The following CHRDL1 variants were observed in gnomAD, a reference collection of about 807,000 sequenced individuals.
CHRDL1 encodes the protein chordin like 1, also known as chordin-like protein 1.
CHRDL1 carries 19 observed loss-of-function variants against 40.9 expected under a neutral mutation model. The ratio of observed to expected loss-of-function variants is 0.46; its 90% CI spans 0.32 to 0.68. The LOEUF is 0.68. Ranked by LOEUF, CHRDL1 falls within the 30% of genes least tolerant of loss-of-function variation. The pLI is 0.03. For missense variants in CHRDL1, 329 were observed against 352.1 expected (o/e 0.93, Z 0.53); for synonymous variants, 136 against 123.4 (o/e 1.10, Z -0.68).
At chrX:110,712,544 T>C (rs1455411357) in intron 6 of CHRDL1, among the ~76,000 whole-genome samples, 1 of 110,720 alleles carries the variant, frequency 9.0e-6, no homozygotes, top group Admixed American at 9.6e-5. Context: ...TTGGATAATA[T>C]GGTAAGAAAT....
In CHRDL1 at chrX:110,767,598, CAATAAAATAAAATAAAATAAAATAA is replaced by C. The variant is rs66986770; in HGVS notation, c.95-4816_95-4792del. Reference sequence around the variant, plus strand: ...AACTCAACCCCTTTTACAAAGGATGCAATAAAATAAAATAAAATAAAATAAAATAAAATAAAATAAAATAAAATAA... The same window carrying C: ...AACTCAACCCCTTTTACAAAGGATGCAATAAAATAAAATAAAATAAAATAA... On this transcript the variant is annotated intron_variant, in intron 2 of 11. Transcript: ENST00000372042. Among the ~76,000 whole-genome samples, 62 of 83,081 alleles carry C rather than the reference CAATAAAATAAAATAAAATAAAATAA, an allele frequency of 7.5e-4. 2 individuals are homozygous for C. Among genetic ancestry groups the C allele is most frequent in the Non-Finnish European group, 2.8e-4 (12 of 42,789 alleles). 72.1% of individuals were successfully genotyped at this position (83,081 alleles called of 115,157 possible).
At chrX:110,696,664 C>G (rs750315730) in intron 7 of CHRDL1, among the ~76,000 whole-genome samples, 1 of 111,495 alleles carries the variant, frequency 9.0e-6, no homozygotes, top group Non-Finnish European at 1.9e-5. Flanking sequence ...TGTTCACAAC[C>G]ACATATACCA....
At chrX:110,779,531 GCTCT>G (rs772634922) in intron 2 of CHRDL1, among the ~76,000 whole-genome samples, 125 of 111,469 alleles carry the variant, frequency 1.1e-3, no homozygotes, top group African/African-American at 3.9e-3. Context: ...CTATTTCTGG[GCTCT>G]CTATTACATT....
intron 11 of CHRDL1, 28 bp from the exon 12 acceptor site, chrX:110,676,389 C>T (rs756130257): frequency 2.2e-5 from 26 of 1,202,564 alleles, no homozygotes; most frequent in Middle Eastern, 4.6e-4. Context: ...GCAAAGTGGC[C>T]GGGAGTGTGT....
chrX:110,753,754 C>A (rs2089402012), intron 4 of CHRDL1, among the ~76,000 whole-genome samples: 1 of 110,861 alleles, frequency 9.0e-6, no homozygotes, highest in Non-Finnish European at 1.9e-5. Context: ...AAGGGGAACA[C>A]AAGGGCAGAT....
At chrX:110,720,611 A>G (rs1211131602) in intron 5 of CHRDL1, among the ~76,000 whole-genome samples, 1 of 111,147 alleles carries the variant, frequency 9.0e-6, no homozygotes, top group Admixed American at 9.5e-5. Context: ...AAATTCTCCT[A>G]AACTACTGAG....
rs754679700 is a variant in CHRDL1 at position 110,689,707 on chromosome X, C to A, written c.779-904G>T. On this transcript the variant is annotated intron_variant, in intron 8 of 11. Transcript: ENST00000372042. ...TCTATATATCTATATATCTATATAT[C>A]TATATATATATCTATATATATCTAT... 1.7e-3 allele frequency among the ~76,000 whole-genome samples: 31 copies of A among 17,933 alleles called. No individual in the cohort carries two copies. In the South Asian group the frequency reaches 0.027, roughly 16 times the overall value. The allele number at this position is 17,933 out of a possible 115,157, so 15.6% of individuals were successfully genotyped here.
At chrX:110,689,804 T>C (rs1442815390) in intron 8 of CHRDL1, among the ~76,000 whole-genome samples, 3 of 83,983 alleles carry the variant, frequency 3.6e-5, no homozygotes, top group African/African-American at 1.0e-4. Context: ...TACATCTATA[T>C]ATCTATATAT....
chrX:110,689,072 G>GTA (rs758293619), intron 8 of CHRDL1, among the ~76,000 whole-genome samples: 1,302 of 30,871 alleles, frequency 0.042, 21 homozygotes, highest in Non-Finnish European at 0.046. Flanking sequence ...ATATATATAT[G>GTA]TATATATATA....
At chrX:110,758,717 C>T (rs1311120768) in intron 4 of CHRDL1, among the ~76,000 whole-genome samples, 1 of 111,730 alleles carries the variant, frequency 9.0e-6, no homozygotes, top group African/African-American at 3.3e-5. Flanking sequence ...TTCCTGTACA[C>T]CCCTTTGGGA....
intron 4 of CHRDL1, among the ~76,000 whole-genome samples, chrX:110,754,676 T>C (rs2089421424): frequency 8.9e-6 from 1 of 111,740 alleles, no homozygotes; most frequent in South Asian, 3.7e-4. Context: ...AAACCATTCA[T>C]AGTGCCAAAC....
intron 4 of CHRDL1, among the ~76,000 whole-genome samples, chrX:110,742,165 T>C (rs186855729): frequency 5.3e-5 from 6 of 112,401 alleles, no homozygotes; most frequent in African/African-American, 1.6e-4. Flanking sequence ...GATATGGCCC[T>C]AGACTCCTCC....
chrX:110,794,090 C>T (rs1235494534), intron 1 of CHRDL1, among the ~76,000 whole-genome samples: 1 of 111,543 alleles, frequency 9.0e-6, no homozygotes, highest in Admixed American at 9.5e-5. Context: ...AAATATGAAC[C>T]AAGAAGAGTT....
intron 4 of CHRDL1, among the ~76,000 whole-genome samples, chrX:110,737,436 G>A (rs1488400305): frequency 8.9e-6 from 1 of 111,777 alleles, no homozygotes; most frequent in African/African-American, 3.3e-5. Flanking sequence ...TCAAAGTGTG[G>A]TATGGGAACC....
chrX:110,764,704 T>C (rs1394284147), intron 2 of CHRDL1, among the ~76,000 whole-genome samples: 1 of 111,798 alleles, frequency 8.9e-6, no homozygotes, highest in African/African-American at 3.3e-5. Context: ...GCAGAGAGCC[T>C]ATAAATGGAC....
chrX:110,721,603 G>A, intron 4 of CHRDL1, 73 bp from the exon 5 acceptor site: 1 of 890,544 alleles, frequency 1.1e-6, no homozygotes, highest in Non-Finnish European at 1.6e-6. Context: ...CCCAACAGCA[G>A]ACGGGGCTGT....
Position 110,689,492 on chromosome X carries a change from C to A in CHRDL1, c.779-689G>T, listed in dbSNP as rs866178724. Among the ~76,000 whole-genome samples, 34 of 47,087 alleles carry A rather than the reference C, an allele frequency of 7.2e-4. 9 individuals carry two copies. The African/African-American group carries it at 9.3e-3, about 13-fold the overall frequency. 40.9% of individuals were successfully genotyped at this position (47,087 alleles called of 115,157 possible). ...TCTATATATCTATATATCTATATCTCTATATATCTATATATCTATATCTCT... is the reference window on the plus strand; with the variant it reads ...TCTATATATCTATATATCTATATCTATATATATCTATATATCTATATCTCT... On this transcript the variant is annotated intron_variant, in intron 8 of 11. Coordinates refer to ENST00000372042, the MANE Select transcript of CHRDL1 (RefSeq NM_001143981.2).
At chrX:110,739,531 G>A (rs753367099) in intron 4 of CHRDL1, among the ~76,000 whole-genome samples, 3 of 111,922 alleles carry the variant, frequency 2.7e-5, no homozygotes, top group Admixed American at 1.9e-4. Context: ...TGAGACTCTA[G>A]AGGAAAGAAA....
chrX:110,745,111 T>C (rs2071429448), intron 4 of CHRDL1, among the ~76,000 whole-genome samples: 1 of 111,367 alleles, frequency 9.0e-6, no homozygotes, highest in African/African-American at 3.3e-5. Flanking sequence ...CCTATCTCCA[T>C]AGTGCTCAGT....
Sources: gnomAD v4.1 joint callset for allele counts (sites outside exome capture counted in the v4.1 genomes callset) on GRCh38, gnomAD v4.1.1 for gene constraint, MANE v1.5 for transcripts, NCBI Gene and HGNC (gene_info 2026-07-23, HGNC 2026-07-21) for gene names.